Variants in CALN1 observed in about 807,000 individuals in gnomAD.
CALN1 encodes calcium-binding protein 8.
CALN1 carries 17 observed loss-of-function variants against 30.6 expected under a neutral mutation model. The observed-to-expected ratio is 0.56, with a 90% CI of 0.38 to 0.83. CALN1 has a LOEUF of 0.83. CALN1 is among the 40% of genes least tolerant of loss of function. The pLI, the probability that CALN1 is intolerant of heterozygous loss-of-function variation, is 0.00. For synonymous variants in CALN1, 156 were observed against 131.4 expected (o/e 1.19, Z -1.28); for missense variants, 291 against 354.9 (o/e 0.82, Z 1.45).
At chr7:71,951,906 G>C (rs1796711468) in intron 5 of CALN1, among the ~76,000 whole-genome samples, 1 of 151,706 alleles carries the variant, frequency 6.6e-6, no homozygotes, top group African/African-American at 2.4e-5. Flanking sequence ...CACTTTTTCT[G>C]TGCTCTAGTT....
intron 5 of CALN1, among the ~76,000 whole-genome samples, chr7:71,948,917 C>G (rs1287853584): frequency 6.6e-6 from 1 of 151,306 alleles, no homozygotes; most frequent in Non-Finnish European, 1.5e-5. Context: ...GTAGCATGTG[C>G]CTGTAGTCCC....
intron 5 of CALN1, among the ~76,000 whole-genome samples, chr7:71,818,715 TA>T (rs1270958018): frequency 3.3e-4 from 50 of 149,464 alleles, no homozygotes; most frequent in South Asian, 6.3e-4. Context: ...TTTATTTATT[TA>T]TTTATTTTTT....
At chr7:72,404,621 C>T (rs183148181) in intron 1 of CALN1, among the ~76,000 whole-genome samples, 1 of 152,306 alleles carries the variant, frequency 6.6e-6, no homozygotes, top group Non-Finnish European at 1.5e-5. Flanking sequence ...TTTCTCACTA[C>T]TTGGCCCCTG....
At chr7:72,229,753 AG>A (rs1458181193) in intron 3 of CALN1, among the ~76,000 whole-genome samples, 1 of 151,936 alleles carries the variant, frequency 6.6e-6, no homozygotes, top group Non-Finnish European at 1.5e-5. Flanking sequence ...GGACACAGGG[AG>A]GGGAACATCA....
At chr7:72,404,775 G>C (rs182808715) in intron 1 of CALN1, among the ~76,000 whole-genome samples, 3 of 152,314 alleles carry the variant, frequency 2.0e-5, no homozygotes, top group African/African-American at 7.2e-5. Context: ...GTAGAAAGCA[G>C]GAAGAAGGCT....
At position 72,224,841 on chromosome 7, in the gene CALN1, C is replaced by T. The variant is rs970390218; in HGVS notation, c.244+53845G>A. On this transcript the variant is annotated intron_variant, in intron 3 of 6. Coordinates refer to ENST00000395275, the MANE Select transcript of CALN1 (RefSeq NM_031468.4). ...CGGTGGCTCACGCCTGTAATCCCAG[C>T]ACTTTGGGAAGTCGAGGCAGGTGAA... 2.0e-5 allele frequency among the ~76,000 whole-genome samples: 3 copies of T among 151,902 alleles called. No homozygotes were observed. The South Asian group carries it at 6.2e-4, about 32-fold the overall frequency.
At chr7:71,938,160 G>A (rs1795943889) in intron 5 of CALN1, among the ~76,000 whole-genome samples, 1 of 152,162 alleles carries the variant, frequency 6.6e-6, no homozygotes, top group Non-Finnish European at 1.5e-5. Flanking sequence ...ATTCTTCCCT[G>A]GGGTGGAAAT....
intron 5 of CALN1, among the ~76,000 whole-genome samples, chr7:71,894,897 C>A (rs1236276789): frequency 6.6e-6 from 1 of 152,120 alleles, no homozygotes; most frequent in Non-Finnish European, 1.5e-5. Flanking sequence ...ATATTTCTGA[C>A]TGGTTATTGA....
intron 1 of CALN1, among the ~76,000 whole-genome samples, chr7:72,404,768 G>T (rs1013473952): frequency 2.7e-4 from 41 of 152,170 alleles, no homozygotes; most frequent in Admixed American, 5.2e-4. Flanking sequence ...AATGACTGTA[G>T]AAAGCAGGAA....
chr7:71,945,364 C>T (rs939491209), intron 5 of CALN1, among the ~76,000 whole-genome samples: 1 of 152,172 alleles, frequency 6.6e-6, no homozygotes, highest in African/African-American at 2.4e-5. Context: ...ACAAGATACA[C>T]AAAACAACGC....
At chr7:72,498,414 T>C in the CALN1 span, among the ~76,000 whole-genome samples, 15 of 146,266 alleles carry the variant, frequency 1.0e-4, no homozygotes, top group African/African-American at 3.8e-4. Flanking sequence ...AAATAGAAAA[T>C]CTCAAAAGCA....
intron 3 of CALN1, among the ~76,000 whole-genome samples, chr7:72,146,120 A>G (rs1364525314): frequency 2.6e-5 from 4 of 152,218 alleles, no homozygotes; most frequent in Non-Finnish European, 5.9e-5. Flanking sequence ...AGTTCTGGCC[A>G]GGGCAATCAG....
At chr7:72,157,358 C>A (rs1288850532) in intron 3 of CALN1, among the ~76,000 whole-genome samples, 1 of 152,052 alleles carries the variant, frequency 6.6e-6, no homozygotes, top group Non-Finnish European at 1.5e-5. Flanking sequence ...CACCTGTAAT[C>A]CCAGCACTTT....
intron 3 of CALN1, among the ~76,000 whole-genome samples, chr7:72,278,009 G>GGGGA (rs374470678): frequency 1.5e-5 from 1 of 68,928 alleles, no homozygotes; most frequent in Non-Finnish European, 3.7e-5. Context: ...CCTCTATTCC[G>GGGGA]GGGGGGGGGG....
chr7:72,319,944 T>C (rs1451061628), intron 2 of CALN1, among the ~76,000 whole-genome samples: 1 of 152,062 alleles, frequency 6.6e-6, no homozygotes, highest in African/African-American at 2.4e-5. Context: ...AGCCCAGACT[T>C]CATCACTAGG....
chr7:71,879,252 A>G (rs1210972697), intron 5 of CALN1, among the ~76,000 whole-genome samples: 2 of 152,160 alleles, frequency 1.3e-5, no homozygotes, highest in South Asian at 2.1e-4. Context: ...TTTTCTCCCC[A>G]TGAGAAGATG....
rs1254851279 is a variant in CALN1 at position 72,232,128 on chromosome 7, T to C, written c.244+46558A>G. On this transcript the variant is annotated intron_variant, in intron 3 of 6. Transcript: ENST00000395275. ...CTCATGGGAATCACAGTGACACCAT[T>C]CTAGGGGTCAGAAGAAACTGCCTCA... Among the ~76,000 whole-genome samples, 11 of 152,092 alleles carry C rather than the reference T, an allele frequency of 7.2e-5. No homozygotes were observed. The East Asian group carries it at 1.7e-3, about 24-fold the overall frequency.
chr7:72,497,433 C>T, the CALN1 span, among the ~76,000 whole-genome samples: 1 of 151,738 alleles, frequency 6.6e-6, no homozygotes, highest in Admixed American at 6.6e-5. Flanking sequence ...GAGTGAGACC[C>T]CATCTCAAAA....
chr7:72,376,301 C>CT (rs1264051965), intron 2 of CALN1, among the ~76,000 whole-genome samples: 2 of 152,140 alleles, frequency 1.3e-5, no homozygotes, highest in Non-Finnish European at 2.9e-5. Flanking sequence ...TATGTTTACC[C>CT]TTTGAGGAAT....
Sources: gnomAD v4.1 joint callset for allele counts (sites outside exome capture counted in the v4.1 genomes callset) on GRCh38, gnomAD v4.1.1 for gene constraint, MANE v1.5 for transcripts, NCBI Gene and HGNC (gene_info 2026-07-23, HGNC 2026-07-21) for gene names.